The following PPP2R2B variants were observed in gnomAD, a reference collection of about 807,000 sequenced individuals.
The protein encoded by PPP2R2B is protein phosphatase 2 regulatory subunit Bbeta, also known as serine/threonine-protein phosphatase 2A 55 kDa regulatory subunit B beta isoform.
Under a neutral mutation model 46.0 loss-of-function variants are expected in PPP2R2B, and 5 were observed. That is an observed-to-expected ratio of 0.11 (90% CI 0.06 to 0.23). The LOEUF is 0.23. Among genes scored for constraint, PPP2R2B ranks in the 10% least tolerant of loss-of-function variants. PPP2R2B has a pLI of 1.00. For synonymous variants in PPP2R2B, 215 were observed against 206.7 expected, an observed-to-expected ratio of 1.04 and a Z score of -0.34; for missense variants, 367 against 575.0, an observed-to-expected ratio of 0.64 and a Z score of 3.70.
chr5:146,970,932 G>A (rs1290075015), intron 1 of PPP2R2B, among the ~76,000 whole-genome samples: 1 of 152,034 alleles, frequency 6.6e-6, no homozygotes, highest in Non-Finnish European at 1.5e-5. Context: ...AGAAATAATT[G>A]TGGTAACTAT....
At chr5:146,790,782 G>C (rs1300970833) in intron 2 of PPP2R2B, among the ~76,000 whole-genome samples, 4 of 152,194 alleles carry the variant, frequency 2.6e-5, no homozygotes, top group Non-Finnish European at 5.9e-5. Flanking sequence ...GAAGAGTGAA[G>C]CATTATATTA....
chr5:146,812,813 A>ATATATATATG lies in PPP2R2B; in HGVS notation c.70+65188_70+65189insCATATATATA, dbSNP rs1197762235. Among the ~76,000 whole-genome samples, 18 of 67,712 alleles carry ATATATATATG rather than the reference A, an allele frequency of 2.7e-4. 1 individual carries two copies. The highest frequency in any genetic ancestry group is 4.5e-4 in the Non-Finnish European group (16 of 35,358). 44.4% of individuals were successfully genotyped at this position (67,712 alleles called of 152,430 possible). A position where few individuals can be genotyped will look rare whatever the true frequency, so the allele number is the denominator to read the frequency against. On this transcript the variant is annotated intron_variant, in intron 2 of 9. Transcript: ENST00000394411. Reference sequence around the variant, plus strand: ...TGTGTGTATATATATATATATATATATATATATATATATATACACACACAT... The same window carrying ATATATATATG: ...TGTGTGTATATATATATATATATATATATATATATGTATATATATATATATACACACACAT...
intron 1 of PPP2R2B, among the ~76,000 whole-genome samples, chr5:146,970,501 C>T (rs1425218583): frequency 1.3e-5 from 2 of 151,964 alleles, no homozygotes; most frequent in African/African-American, 4.8e-5. Flanking sequence ...GAGACTGAGG[C>T]ATGGGAATTG....
chr5:146,983,616 A>G lies in PPP2R2B; in HGVS notation c.79+72049T>C, dbSNP rs573724941. Among the ~76,000 whole-genome samples the G allele has an allele frequency of 7.6e-4, 115 of 152,262 alleles. 1 individual carries two copies. The highest frequency in any genetic ancestry group is 2.6e-3 in the African/African-American group (110 of 41,540). ...CTACAGAAATCTTACCTCCCTTTACACTAGTTTATTGTCCCCCATTTATAA... is the reference window on the plus strand; with the variant it reads ...CTACAGAAATCTTACCTCCCTTTACGCTAGTTTATTGTCCCCCATTTATAA... On this transcript the variant is annotated intron_variant, in intron 1 of 8. Transcript: ENST00000336640.
chr5:147,063,513 A>G (rs1041645743), intron 2 of PPP2R2B, among the ~76,000 whole-genome samples: 9 of 152,232 alleles, frequency 5.9e-5, no homozygotes, highest in Admixed American at 4.6e-4. Context: ...TGTTCCAATT[A>G]TTCAGTGTAT....
intron 7 of PPP2R2B, among the ~76,000 whole-genome samples, chr5:146,603,477 T>C (rs764570317): frequency 1.3e-5 from 2 of 152,208 alleles, no homozygotes; most frequent in East Asian, 1.9e-4. Context: ...CTTCACAAGA[T>C]GGATGTGAAA....
intron 2 of PPP2R2B, among the ~76,000 whole-genome samples, chr5:146,837,674 CATT>C (rs1434274765): frequency 1.3e-5 from 2 of 152,148 alleles, no homozygotes; most frequent in East Asian, 1.9e-4. Flanking sequence ...AATATCAAAA[CATT>C]ATTGTTGAGA....
intron 2 of PPP2R2B, among the ~76,000 whole-genome samples, chr5:146,848,774 C>A (rs1041393189): frequency 7.2e-5 from 11 of 152,184 alleles, no homozygotes; most frequent in African/African-American, 4.8e-5. Flanking sequence ...GCTTAGGGAG[C>A]TATGCCAACT....
intron 5 of PPP2R2B, among the ~76,000 whole-genome samples, chr5:146,666,001 G>A (rs917373512): frequency 3.9e-5 from 6 of 152,164 alleles, no homozygotes; most frequent in African/African-American, 9.7e-5. Flanking sequence ...ACAATAAAGC[G>A]AAATGTAATA....
chr5:147,034,440 G>T (rs565743595), intron 1 of PPP2R2B, among the ~76,000 whole-genome samples: 4 of 152,030 alleles, frequency 2.6e-5, no homozygotes, highest in African/African-American at 7.2e-5. Flanking sequence ...ATGACCCATA[G>T]TAGGTCCTTA....
intron 1 of PPP2R2B, among the ~76,000 whole-genome samples, chr5:147,044,058 C>T (rs758752109): frequency 8.5e-5 from 13 of 152,056 alleles, no homozygotes; most frequent in Admixed American, 2.6e-4. Flanking sequence ...TGAGCTAATA[C>T]ATTAAAACAT....
chr5:146,913,639 G>A (rs1763271751), intron 1 of PPP2R2B, among the ~76,000 whole-genome samples: 1 of 151,804 alleles, frequency 6.6e-6, no homozygotes, highest in Non-Finnish European at 1.5e-5. Context: ...ACAAGACATG[G>A]TTCTTGGTTT....
At chr5:146,789,724 G>A (rs747257557) in intron 2 of PPP2R2B, among the ~76,000 whole-genome samples, 1 of 152,084 alleles carries the variant, frequency 6.6e-6, no homozygotes, top group Non-Finnish European at 1.5e-5. Context: ...ATAAGATAAT[G>A]ATAATGGATT....
chr5:147,065,898 G>T (rs1580877313), intron 2 of PPP2R2B, among the ~76,000 whole-genome samples: 1 of 152,000 alleles, frequency 6.6e-6, no homozygotes, highest in Non-Finnish European at 1.5e-5. Context: ...ATGCCAACAA[G>T]CATTATCTCC....
At position 147,066,340 on chromosome 5, in the gene PPP2R2B, CTTTA is replaced by C. The variant is rs1757414038; in HGVS notation, c.50+14715_50+14718del. The stretch of plus-strand genomic sequence containing the variant: ...TGTATTCCATGCTGCATTGTAAATT[CTTTA>C]CATGTATTAGCTAATTTAATCCTCA... On this transcript the variant is annotated intron_variant, in intron 2 of 10. Coordinates refer to the PPP2R2B transcript ENST00000394413. Among the ~76,000 whole-genome samples, 6 of 152,154 alleles carry C rather than the reference CTTTA, an allele frequency of 3.9e-5. No individual in the cohort carries two copies. The South Asian group carries it at 1.2e-3, about 32-fold the overall frequency.
chr5:146,747,879 CA>C (rs1753286644), intron 2 of PPP2R2B, among the ~76,000 whole-genome samples: 1 of 151,946 alleles, frequency 6.6e-6, no homozygotes, highest in Non-Finnish European at 1.5e-5. Flanking sequence ...GGCCCAAGAA[CA>C]GCATGAAAAA....
At chr5:147,063,530 C>T (rs572216096) in intron 2 of PPP2R2B, among the ~76,000 whole-genome samples, 1 of 152,202 alleles carries the variant, frequency 6.6e-6, no homozygotes, top group South Asian at 2.1e-4. Context: ...GTATATAATG[C>T]CTCAAAGCCT....
intron 2 of PPP2R2B, among the ~76,000 whole-genome samples, chr5:147,079,023 A>C (rs1258105862): frequency 6.6e-6 from 1 of 152,012 alleles, no homozygotes; most frequent in Non-Finnish European, 1.5e-5. Flanking sequence ...AAAAGTTTCT[A>C]ATGTCTAGCA....
chr5:146,761,159 A>G (rs949242494), intron 2 of PPP2R2B, among the ~76,000 whole-genome samples: 19 of 152,192 alleles, frequency 1.2e-4, no homozygotes, highest in African/African-American at 4.3e-4. Context: ...CCATCCCATT[A>G]CTGGATATAT....
Sources: gnomAD v4.1 joint callset for allele counts (sites outside exome capture counted in the v4.1 genomes callset) on GRCh38, gnomAD v4.1.1 for gene constraint, MANE v1.5 for transcripts, NCBI Gene and HGNC (gene_info 2026-07-23, HGNC 2026-07-21) for gene names.